Variants in CCDC28B observed in about 807,000 individuals in gnomAD.
The protein encoded by CCDC28B is coiled-coil domain containing 28B.
A neutral mutation model predicts 18.7 loss-of-function variants in CCDC28B; 17 were observed. That is an observed-to-expected ratio of 0.91 (90% CI 0.62 to 1.36). The LOEUF is 1.36. Among genes scored for constraint, CCDC28B ranks in the 40% most tolerant of loss-of-function variants. The pLI is 0.00. For synonymous variants in CCDC28B, 116 were observed against 105.1 expected (o/e 1.10, Z -0.64); for missense variants, 213 against 251.7 (o/e 0.85, Z 1.04).
rs370394033 is a variant in CCDC28B at position 32,204,380 on chromosome 1, G to A, written c.525+1G>A. On this transcript the variant is annotated splice_donor_variant, in intron 4 of 5. Coordinates refer to ENST00000373602, the MANE Select transcript of CCDC28B (RefSeq NM_024296.5). LOFTEE classifies it high-confidence loss of function. The stretch of plus-strand genomic sequence containing the variant: ...TAACCTGGACCAGCTGCTTAGCAAT[G>A]TGGGTTCATGTCTGGGTGCTTTGGT... 8.9e-6 allele frequency: 14 copies of A among 1,568,942 alleles called. No individual in the cohort carries two copies. Among genetic ancestry groups the A allele is most frequent in the African/African-American group, 1.4e-5 (1 of 73,690 alleles).
upstream of CCDC28B, among the ~76,000 whole-genome samples, chr1:32,199,596 AC>A (rs1643104133): frequency 6.6e-6 from 1 of 151,958 alleles, no homozygotes; most frequent in Admixed American, 6.6e-5. Flanking sequence ...ATTACTCTTT[AC>A]CCTTGTGGAG....
chr1:32,203,781 T>TA, intron 2 of CCDC28B, 98 bp from the exon 3 acceptor site: 4 of 959,496 alleles, frequency 4.2e-6, no homozygotes, highest in Admixed American at 3.1e-5. Context: ...TTAGTGCAGA[T>TA]AGACAGATAA....
chr1:32,200,541 G>C (rs376740197), upstream of CCDC28B: 13 of 152,334 alleles, frequency 8.5e-5, no homozygotes, highest in African/African-American at 3.1e-4. Flanking sequence ...GCATACGCGG[G>C]GATGCTCCTC....
Position 32,201,899 on chromosome 1 carries a change from T to A in CCDC28B, c.-23-14T>A, listed in dbSNP as rs1006969523. Reference sequence around the variant, plus strand: ...TTGCCCCTGGCTATCTTTGTGGGGTTGCTTCCCTCCTAGGCCTGAGGCCCA... The same window carrying A: ...TTGCCCCTGGCTATCTTTGTGGGGTAGCTTCCCTCCTAGGCCTGAGGCCCA... On this transcript the variant is annotated splice_polypyrimidine_tract_variant and intron_variant, in intron 1 of 5. Coordinates refer to ENST00000373602, the MANE Select transcript of CCDC28B (RefSeq NM_024296.5). 6.5e-7 allele frequency: 1 copy of A among 1,543,858 alleles called. No individual in the cohort carries two copies. Among genetic ancestry groups the A allele is most frequent in the Non-Finnish European group, 8.7e-7 (1 of 1,146,764 alleles).
At chr1:32,202,574 C>T in intron 2 of CCDC28B, 2 of 334,588 alleles carry the variant, frequency 6.0e-6, no homozygotes, top group South Asian at 4.6e-5. Context: ...TTGTTCCCCA[C>T]TAAATACAAT....
upstream of CCDC28B, among the ~76,000 whole-genome samples, chr1:32,199,311 G>A (rs542979426): frequency 2.6e-5 from 4 of 152,318 alleles, no homozygotes; most frequent in South Asian, 6.2e-4. Context: ...GCTGGGTCCT[G>A]ATACATGTTT....
chr1:32,198,779 C>T (rs1385237578), upstream of CCDC28B, among the ~76,000 whole-genome samples: 1 of 151,956 alleles, frequency 6.6e-6, no homozygotes, highest in African/African-American at 2.4e-5. Context: ...GAGGCTGGGC[C>T]CAGAGTCTGG....
At position 32,205,156 on chromosome 1, in the gene CCDC28B, G is replaced by A. The variant is rs374935757; in HGVS notation, c.549-38G>A. 5.1e-5 allele frequency: 82 copies of A among 1,611,002 alleles called. 1 individual carries two copies. The African/African-American group carries it at 8.9e-4, about 18-fold the overall frequency. On this transcript the variant is annotated intron_variant, in intron 5 of 5. Transcript: ENST00000373602. The surrounding 1 kb of genome is among the most constrained non-coding windows in gnomAD (Gnocchi z 5.6). ...AGATGGGAGACCGGGGTGGGAGGAA[G>A]GACTGGTCCAAAGCGCCACGATCCT...
chr1:32,201,474 T>C (rs529807941), intron 1 of CCDC28B, among the ~76,000 whole-genome samples: 1 of 152,236 alleles, frequency 6.6e-6, no homozygotes, highest in South Asian at 2.1e-4. Flanking sequence ...CCCCCTCCCA[T>C]GCTGACAGGG....
chr1:32,199,725 G>T (rs981719974), upstream of CCDC28B, among the ~76,000 whole-genome samples: 4 of 152,198 alleles, frequency 2.6e-5, no homozygotes, highest in Non-Finnish European at 5.9e-5. Context: ...TCCTGCCCGG[G>T]GATGGGGAAG....
intron 2 of CCDC28B, among the ~76,000 whole-genome samples, chr1:32,203,621 C>T (rs1036520668): frequency 3.3e-5 from 5 of 152,122 alleles, no homozygotes; most frequent in African/African-American, 1.2e-4. Flanking sequence ...CAGACAGGAA[C>T]CCAGGGACCC....
upstream of CCDC28B, among the ~76,000 whole-genome samples, chr1:32,198,519 A>G (rs1015596812): frequency 5.3e-5 from 8 of 152,212 alleles, no homozygotes; most frequent in Admixed American, 4.6e-4. Flanking sequence ...TGCCTCAGAG[A>G]GGATCACACA....
chr1:32,205,270 T>G lies in CCDC28B; in HGVS notation c.*22T>G, dbSNP rs752400023. ...GTAGGCGTCCCACGCAGGCCCACACTGCCCCTCTCATTCTCTTCAAACTGT... is the reference window on the plus strand; with the variant it reads ...GTAGGCGTCCCACGCAGGCCCACACGGCCCCTCTCATTCTCTTCAAACTGT... On this transcript the variant is annotated 3_prime_UTR_variant, in exon 6 of 6. Coordinates refer to ENST00000373602, the MANE Select transcript of CCDC28B (RefSeq NM_024296.5). This position sits in a 1 kb window ranked among gnomAD's most constrained non-coding sequence, Gnocchi z 5.6. 1.3e-6 allele frequency: 2 copies of G among 1,599,568 alleles called. No homozygotes were observed. Among genetic ancestry groups the G allele is most frequent in the African/African-American group, 2.7e-5 (2 of 74,542 alleles).
Position 32,205,005 on chromosome 1 carries a change from C to T in CCDC28B, c.549-189C>T. On this transcript the variant is annotated intron_variant, in intron 5 of 5. Coordinates refer to ENST00000373602, the MANE Select transcript of CCDC28B (RefSeq NM_024296.5). The surrounding 1 kb of genome is among the most constrained non-coding windows in gnomAD (Gnocchi z 5.6). ...GCGCACACACCCCAGTGTGTCTGAC[C>T]TGCACGATCTGGATGAAGAGAGAGG... The T allele has an allele frequency of 2.5e-6, 3 of 1,182,922 alleles. No homozygotes were observed. The highest frequency in any genetic ancestry group is 2.6e-5 in the East Asian group (1 of 38,806). 73.3% of individuals were successfully genotyped at this position (1,182,922 alleles called of 1,614,324 possible).
chr1:32,204,199 C>T lies in CCDC28B; in HGVS notation c.345C>T (p.Ser115=). 1 of 1,614,070 alleles carries T rather than the reference C, an allele frequency of 6.2e-7. No homozygotes were observed. The highest frequency in any genetic ancestry group is 1.3e-5 in the African/African-American group (1 of 75,004). The part of the protein sequence containing the change: ...GRLQAFGKEC[S]FEQLEHVREM... ...GCTTCGTTCCAGGGAAGGAATGCTC[C>T]TTTGAGCAGCTGGAGCACGTTCGGG... Residue 115 remains serine, a synonymous_variant, in exon 4 of 6, where the codon TCC becomes TCT. Coordinates refer to ENST00000373602, the MANE Select transcript of CCDC28B (RefSeq NM_024296.5).
At chr1:32,198,733 G>A (rs975827700), upstream of CCDC28B, among the ~76,000 whole-genome samples, 3 of 152,330 alleles carry the variant, frequency 2.0e-5, no homozygotes, top group East Asian at 5.8e-4. Flanking sequence ...AAATGGTACA[G>A]CTGGGAAGCA....
chr1:32,196,444 G>A (rs1226923998), upstream of CCDC28B: 1 of 152,204 alleles, frequency 6.6e-6, no homozygotes, highest in Admixed American at 6.5e-5. Flanking sequence ...GGAGCCCATA[G>A]CTGTTGTCTA....
Position 32,204,273 on chromosome 1 carries a change from G to GGGA in CCDC28B, c.429_431dup (p.Glu143dup). Reference sequence around the variant, plus strand: ...CTGCACTTCAGCCTGGATGTGTGTGGGGAGGAGGAGGACGATGAAGAGGAA... The same window carrying GGGA: ...CTGCACTTCAGCCTGGATGTGTGTGGGGAGGAGGAGGAGGACGATGAAGAGGAA... On this transcript the variant is annotated inframe_insertion, in exon 4 of 6. Coordinates refer to ENST00000373602, the MANE Select transcript of CCDC28B (RefSeq NM_024296.5). The GGGA allele has an allele frequency of 6.2e-7, 1 of 1,614,056 alleles. No individual in the cohort carries two copies. Among genetic ancestry groups the GGGA allele is most frequent in the Non-Finnish European group, 8.5e-7 (1 of 1,179,962 alleles).
intron 2 of CCDC28B, chr1:32,203,135 CAAAAAAAAAATTTTTTTTTTAATT>C (rs1557516625): frequency 7.1e-6 from 1 of 140,234 alleles, no homozygotes; most frequent in African/African-American, 2.7e-5. Flanking sequence ...CTGTCTCAAA[CAAAAAAAAAATTTTTTTTTTAATT>C]AAAAAAAAAG....
Sources: gnomAD v4.1 joint callset for allele counts (sites outside exome capture counted in the v4.1 genomes callset) on GRCh38, gnomAD v4.1.1 for gene constraint, Gnocchi (gnomAD v3.1) non-coding constraint, MANE v1.5 for transcripts, NCBI Gene and HGNC (gene_info 2026-07-23, HGNC 2026-07-21) for gene names.